Variants in ESYT1 observed in about 807,000 individuals in gnomAD.
ESYT1 encodes the protein extended synaptotagmin 1, also known as extended synaptotagmin-1.
In ESYT1, 116 loss-of-function variants were observed where a neutral mutation model predicts 154.2. That is an observed-to-expected ratio of 0.75 (90% confidence interval 0.65 to 0.88). The LOEUF (loss-of-function observed/expected upper bound fraction) is 0.88, where lower values mean the gene tolerates loss of function less well. Ranked by LOEUF, ESYT1 falls within the 40% of genes least tolerant of loss-of-function variation. ESYT1 has a pLI of 0.00. For missense variants in ESYT1, 1,264 were observed against 1,379.3 expected (o/e 0.92, Z 1.32); for synonymous variants, 500 against 539.9 (o/e 0.93, Z 1.02).
At chr12:56,137,458 C>G (rs372063380) in intron 17 of ESYT1, 41 bp from the exon 18 acceptor site, 13 of 1,608,992 alleles carry the variant, frequency 8.1e-6, no homozygotes, top group Non-Finnish European at 4.3e-6. Flanking sequence ...TGACAGGTCT[C>G]TCTCCCTTTG....
At chr12:56,133,552 G>A in intron 11 of ESYT1, 36 bp from the exon 12 acceptor site, 1 of 1,612,782 alleles carries the variant, frequency 6.2e-7, no homozygotes, top group Non-Finnish European at 8.5e-7. Flanking sequence ...TAGTTGAGCA[G>A]GTATCTGATC....
At position 56,132,407 on chromosome 12, in the gene ESYT1, A is replaced by G; in HGVS notation, c.985-14A>G. The G allele has an allele frequency of 6.2e-7, 1 of 1,613,850 alleles. No individual in the cohort carries two copies. Among genetic ancestry groups the G allele is most frequent in the Non-Finnish European group, 8.5e-7 (1 of 1,179,956 alleles). ...TGGGTCCTTAGTTTCTCACCATCTG[A>G]TTCCTTCCTCCAGGGCATTATTCGA... On this transcript the variant is annotated splice_polypyrimidine_tract_variant and intron_variant, in intron 8 of 30. Coordinates refer to ENST00000394048, the MANE Select transcript of ESYT1 (RefSeq NM_015292.3).
At position 56,142,938 on chromosome 12, in the gene ESYT1, G is replaced by A; in HGVS notation, c.2987+5G>A. Reference sequence around the variant, plus strand: ...CAGCATTGTTCATGGTTGCCGGTGAGACCCCATCCCTCCTGTCCTCCAGAT... The same window carrying A: ...CAGCATTGTTCATGGTTGCCGGTGAAACCCCATCCCTCCTGTCCTCCAGAT... On this transcript the variant is annotated splice_donor_5th_base_variant and intron_variant, in intron 27 of 30. Transcript: ENST00000394048. This position sits in a 1 kb window ranked among gnomAD's most constrained non-coding sequence, Gnocchi z 4.1. 6.2e-7 allele frequency: 1 copy of A among 1,614,118 alleles called. No individual in the cohort carries two copies. The highest frequency in any genetic ancestry group is 1.3e-5 in the African/African-American group (1 of 75,060).
rs375134902 is a variant in ESYT1, at chr12:56,142,472, G to A, written c.2733+47G>A. ...GCAGGATGAGAGGGAGGAGGGGAGG[G>A]CCTTCACAGGTGAGGGACACCCAGG... is the stretch of plus-strand genomic sequence containing the variant. On this transcript the variant is annotated intron_variant, in intron 25 of 30. Transcript: ENST00000394048. This position sits in a 1 kb window ranked among gnomAD's most constrained non-coding sequence, Gnocchi z 4.1. 4.4e-5 allele frequency: 71 copies of A among 1,603,806 alleles called. No individual in the cohort carries two copies. Among genetic ancestry groups the A allele is most frequent in the African/African-American group, 3.2e-4 (24 of 74,756 alleles).
rs1870786078 is a variant in ESYT1, at chr12:56,143,223, C to T, written c.3120-5C>T. ...CCTGGCCCCTAACATCCAGTCCTACCCCAGGTTTGAGTGGGAACTCCCCCT... is the reference window on the plus strand; with the variant it reads ...CCTGGCCCCTAACATCCAGTCCTACTCCAGGTTTGAGTGGGAACTCCCCCT... On this transcript the variant is annotated splice_polypyrimidine_tract_variant and splice_region_variant and intron_variant, in intron 28 of 30. Coordinates refer to ENST00000394048, the MANE Select transcript of ESYT1 (RefSeq NM_015292.3). 5.0e-6 allele frequency: 8 copies of T among 1,614,020 alleles called. No homozygotes were observed. The South Asian group carries it at 6.6e-5, about 13-fold the overall frequency.
intron 24 of ESYT1, among the ~76,000 whole-genome samples, chr12:56,140,338 C>T (rs1870639510): frequency 6.6e-6 from 1 of 151,986 alleles, no homozygotes; most frequent in African/African-American, 2.4e-5. Flanking sequence ...TGGATTTTAT[C>T]CTAAGGCTTA....
chr12:56,136,057 C>A, intron 15 of ESYT1, among the ~76,000 whole-genome samples: 1 of 111,948 alleles, frequency 8.9e-6, no homozygotes, highest in African/African-American at 3.7e-5. Flanking sequence ...AAGACTCTGT[C>A]TCCAAAAAAA....
At position 56,134,424 on chromosome 12, in the gene ESYT1, T is replaced by C. The variant is rs1870366403; in HGVS notation, c.1628T>C (p.Val543Ala). The C allele has an allele frequency of 6.2e-7, 1 of 1,613,896 alleles. No individual in the cohort carries two copies. Among genetic ancestry groups the C allele is most frequent in the Admixed American group, 1.7e-5 (1 of 59,990 alleles). The part of the protein sequence containing the change: ...LQDPQSQELD[V>A]QVKDDSRALT... ...GACCCTCAAAGCCAGGAGCTCGATGTGCAAGTGAGATAATCACCTCTTCAT... is the reference window on the plus strand; with the variant it reads ...GACCCTCAAAGCCAGGAGCTCGATGCGCAAGTGAGATAATCACCTCTTCAT... Residue 543 changes from valine to alanine, a missense_variant, in exon 15 of 31, where the codon GTG (valine) becomes GCG (alanine). Coordinates refer to ENST00000394048, the MANE Select transcript of ESYT1 (RefSeq NM_015292.3).
Position 56,138,068 on chromosome 12 carries a change from T to C in ESYT1, c.2241T>C (p.Leu747=), listed in dbSNP as rs1592248210. The C allele has an allele frequency of 6.2e-7, 1 of 1,614,164 alleles. No homozygotes were observed. The highest frequency in any genetic ancestry group is 8.5e-7 in the Non-Finnish European group (1 of 1,180,012). ...RLTTVLNSGF[L]DEWLTLEDVP... The stretch of plus-strand genomic sequence containing the variant: ...CCACAGTCTTAAACAGTGGCTTCCT[T>C]GATGAGGTGAGCATTGAATTAGAGT... Residue 747 remains leucine, a synonymous_variant, in exon 20 of 31, where the codon CTT becomes CTC. Transcript: ENST00000394048.
rs1197391664 is a variant in ESYT1, at chr12:56,133,425, T to C, written c.1253T>C (p.Leu418Pro). The C allele has an allele frequency of 6.2e-7, 1 of 1,614,060 alleles. No homozygotes were observed. Among genetic ancestry groups the C allele is most frequent in the Non-Finnish European group, 8.5e-7 (1 of 1,180,046 alleles). Residue 418 changes from leucine to proline, a missense_variant, in exon 11 of 31, where the codon CTG (leucine) becomes CCG (proline). Leu to Pro is a moderately conservative substitution (Grantham distance 98). Transcript: ENST00000394048. Reference protein sequence around the residue: ...DKDDFLGRMKLDVGKVLQASV... With the variant: ...DKDDFLGRMKPDVGKVLQASV... Reference sequence around the variant, plus strand: ...CCCCCGCCAACCCTCAGAATGAAGCTGGATGTAGGGAAGGTGTTACAGGCT... The same window carrying C: ...CCCCCGCCAACCCTCAGAATGAAGCCGGATGTAGGGAAGGTGTTACAGGCT...
chr12:56,131,882 A>C lies in ESYT1; in HGVS notation c.860+78A>C. On this transcript the variant is annotated intron_variant, in intron 7 of 30. Transcript: ENST00000394048. The stretch of plus-strand genomic sequence containing the variant: ...TTTAAGGGACACAGAGCAGTCAAAG[A>C]TGCTGCTTGTGTCCTCTAGGAGCCT... 4.9e-6 allele frequency: 7 copies of C among 1,433,914 alleles called. No homozygotes were observed. The South Asian group carries it at 8.1e-5, about 17-fold the overall frequency. 88.8% of individuals were successfully genotyped at this position (1,433,914 alleles called of 1,614,324 possible).
In ESYT1 at chr12:56,144,148, G is replaced by A; in HGVS notation, c.*286G>A. Reference sequence around the variant, plus strand: ...TCTCCCTTCCTCCCAACTCCTCAGGGCCTTCTGTATCTGTGCCTGGCCAGT... The same window carrying A: ...TCTCCCTTCCTCCCAACTCCTCAGGACCTTCTGTATCTGTGCCTGGCCAGT... On this transcript the variant is annotated 3_prime_UTR_variant, in exon 31 of 31. Transcript: ENST00000394048. The A allele has an allele frequency of 2.9e-6, 4 of 1,365,400 alleles. No homozygotes were observed. The highest frequency in any genetic ancestry group is 3.8e-6 in the Non-Finnish European group (4 of 1,057,572). The allele number at this position is 1,365,400 out of a possible 1,614,324, so 84.6% of individuals were successfully genotyped here.
chr12:56,138,936 C>A lies in ESYT1; in HGVS notation c.2515C>A (p.Gln839Lys), dbSNP rs147070386. 1,807 of 1,614,108 alleles carry A rather than the reference C, an allele frequency of 1.1e-3. 1 individual carries two copies. The highest frequency in any genetic ancestry group is 1.4e-3 in the Non-Finnish European group (1,655 of 1,179,958). ...DSSHKTKTISQTSAPVWDESA... is the reference protein window; with the variant it reads ...DSSHKTKTISKTSAPVWDESA... ...CCCTCATCTCCACCAGACTATTTCG[C>A]AAACTTCAGCCCCTGTCTGGGATGA... The change falls in exon 24 of 31, where the codon CAA (glutamine) becomes AAA (lysine). Residue 839 changes from glutamine (Q) to lysine (K), a missense_variant. Coordinates refer to ENST00000394048, the MANE Select transcript of ESYT1 (RefSeq NM_015292.3).
chr12:56,144,369 TC>T lies in ESYT1; in HGVS notation c.*511del. 1 of 1,000,666 alleles carries T rather than the reference TC, an allele frequency of 1.0e-6. No homozygotes were observed. The highest frequency in any genetic ancestry group is 1.2e-6 in the Non-Finnish European group (1 of 838,158). The allele number at this position is 1,000,666 out of a possible 1,614,324, so 62.0% of individuals were successfully genotyped here. A position where few individuals can be genotyped will look rare whatever the true frequency, so the allele number is the denominator to read the frequency against. ...GCTCAGGCCCCCATGTCCAGTTCTGTCCCCACTGTCCTCAACCCTGTCCTGA... is the reference window on the plus strand; with the variant it reads ...GCTCAGGCCCCCATGTCCAGTTCTGTCCCACTGTCCTCAACCCTGTCCTGA... On this transcript the variant is annotated 3_prime_UTR_variant, in exon 31 of 31. Coordinates refer to ENST00000394048, the MANE Select transcript of ESYT1 (RefSeq NM_015292.3).
intron 29 of ESYT1, 50 bp from the exon 30 acceptor site, chr12:56,143,530 C>G: frequency 6.2e-7 from 1 of 1,608,730 alleles, no homozygotes. Flanking sequence ...GAGATCCTGT[C>G]TCAAAAAATA....
In ESYT1 at chr12:56,142,698, C is replaced by T. The variant is rs979933091; in HGVS notation, c.2854C>T (p.Pro952Ser). ...ACCCCCTCACATCACCTCCTCAGCCCCAGAGCTCCGGCAGCGCCTAACACA... is the reference window on the plus strand; with the variant it reads ...ACCCCCTCACATCACCTCCTCAGCCTCAGAGCTCCGGCAGCGCCTAACACA... ...GGPPHITSSAPELRQRLTHVD... is the reference protein window; with the variant it reads ...GGPPHITSSASELRQRLTHVD... Residue 952 changes from proline (P) to serine (S), a missense_variant, in exon 26 of 31, where the codon CCA (proline) becomes TCA (serine). By Grantham distance (74) the Pro-to-Ser change is moderately conservative. Coordinates refer to ENST00000394048, the MANE Select transcript of ESYT1 (RefSeq NM_015292.3). The surrounding 1 kb of genome is among the most constrained non-coding windows in gnomAD (Gnocchi z 4.1). 5.6e-6 allele frequency: 9 copies of T among 1,613,890 alleles called. No individual in the cohort carries two copies. The highest frequency in any genetic ancestry group is 1.7e-5 in the Admixed American group (1 of 60,012).
intron 15 of ESYT1, among the ~76,000 whole-genome samples, chr12:56,134,744 AGG>A (rs1287488606): frequency 1.2e-4 from 18 of 151,922 alleles, no homozygotes; most frequent in Non-Finnish European, 1.5e-4. Context: ...GATTACAGGC[AGG>A]CACCACCATG....
chr12:56,130,706 G>C, intron 2 of ESYT1, 83 bp downstream of exon 2: 2 of 1,613,576 alleles, frequency 1.2e-6, no homozygotes, highest in Non-Finnish European at 1.7e-6. Flanking sequence ...TCAACCCTCA[G>C]TGCTCTCCGT....
At position 56,144,393 on chromosome 12, in the gene ESYT1, T is replaced by C; in HGVS notation, c.*531T>C. Reference sequence around the variant, plus strand: ...GTCCCCACTGTCCTCAACCCTGTCCTGAAAATTCTACTGCTTTGATGGCTG... The same window carrying C: ...GTCCCCACTGTCCTCAACCCTGTCCCGAAAATTCTACTGCTTTGATGGCTG... On this transcript the variant is annotated 3_prime_UTR_variant, in exon 31 of 31. Coordinates refer to ENST00000394048, the MANE Select transcript of ESYT1 (RefSeq NM_015292.3). The C allele has an allele frequency of 2.0e-6, 2 of 989,620 alleles. No homozygotes were observed. Among genetic ancestry groups the C allele is most frequent in the Non-Finnish European group, 2.4e-6 (2 of 832,306 alleles). The allele number at this position is 989,620 out of a possible 1,614,324, so 61.3% of individuals were successfully genotyped here.
Sources: gnomAD v4.1 joint callset for allele counts (sites outside exome capture counted in the v4.1 genomes callset) on GRCh38, gnomAD v4.1.1 for gene constraint, Gnocchi (gnomAD v3.1) non-coding constraint, MANE v1.5 for transcripts, NCBI Gene and HGNC (gene_info 2026-07-23, HGNC 2026-07-21) for gene names.